TIMD4: variants seen among roughly 807,000 people sequenced by gnomAD.
TIMD4 encodes T-cell immunoglobulin and mucin domain-containing protein 4.
Under a neutral mutation model 41.2 loss-of-function variants are expected in TIMD4, and 31 were observed. The ratio of observed to expected loss-of-function variants is 0.75; its 90% CI spans 0.57 to 1.01. The LOEUF (loss-of-function observed/expected upper bound fraction) is 1.01, where lower values mean the gene tolerates loss of function less well. Among genes scored for constraint, TIMD4 ranks in the 50% least tolerant of loss-of-function variants. The pLI, the probability that TIMD4 is intolerant of heterozygous loss-of-function variation, is 0.00. For synonymous variants in TIMD4, 204 were observed against 177.1 expected, an observed-to-expected ratio of 1.15 and a Z score of -1.21; for missense variants, 479 against 472.5, an observed-to-expected ratio of 1.01 and a Z score of -0.13.
rs763447488 is a variant in TIMD4, at chr5:156,954,733, C to T, written c.82G>A (p.Val28Met). The T allele has an allele frequency of 1.1e-5, 18 of 1,612,686 alleles. No homozygotes were observed. The Middle Eastern group carries it at 9.9e-4, about 88-fold the overall frequency. ...YLTPVTSETV[V>M]TEVLGHRVTL... ...ACCCGGTGACCCAAAACCTCCGTCA[C>T]AACAGTCTCTGAAGTGACTGGTGCT... Residue 28 changes from valine to methionine, a missense_variant, in exon 2 of 9, where the codon GTG becomes ATG. Val to Met is a conservative substitution (Grantham distance 21). Transcript: ENST00000274532.
At chr5:156,924,496 T>C (rs1384056179) in intron 6 of TIMD4, 1 of 464,400 alleles carries the variant, frequency 2.2e-6, no homozygotes, top group Non-Finnish European at 4.3e-6. Flanking sequence ...GGACTTGTTT[T>C]GGCTAGAGGT....
rs761373056 is a variant in TIMD4 at position 156,949,677 on chromosome 5, G to A, written c.734C>T (p.Ala245Val). ...TTTGGATGTCAGCAGGACAGTGTCA[G>A]CAGAAGTAGACTCAACACTACTCCA... ...DSWSSVESTSADTVLLTSKES... is the reference protein window; with the variant it reads ...DSWSSVESTSVDTVLLTSKES... The change falls in exon 4 of 9, where the codon GCT becomes GTT. Residue 245 changes from alanine (A) to valine (V), a missense_variant. Transcript: ENST00000274532. The A allele has an allele frequency of 1.9e-5, 30 of 1,613,414 alleles. No individual in the cohort carries two copies. In the African/African-American group the frequency reaches 3.1e-4, roughly 16 times the overall value.
chr5:156,931,934 T>C (rs1759450804), intron 5 of TIMD4, among the ~76,000 whole-genome samples: 1 of 147,474 alleles, frequency 6.8e-6, no homozygotes, highest in Non-Finnish European at 1.5e-5. Flanking sequence ...TTAACCTTTC[T>C]AATTCTGGAT....
intron 5 of TIMD4, among the ~76,000 whole-genome samples, chr5:156,946,728 G>T (rs113494737): frequency 7.1e-4 from 108 of 151,132 alleles, no homozygotes; most frequent in Non-Finnish European, 1.4e-3. Flanking sequence ...CTCGTGATCC[G>T]CCTGCCTCGG....
chr5:156,922,089 C>A lies in TIMD4; in HGVS notation c.1012+10G>T, dbSNP rs1204003785. On this transcript the variant is annotated intron_variant, in intron 7 of 8. Transcript: ENST00000274532. ...CTGAAGTGCTCCATCACCTGGCCCT[C>A]CCTCCTTACCTCTCAGGAGAAACGC... 6.2e-7 allele frequency: 1 copy of A among 1,609,384 alleles called. No homozygotes were observed. The highest frequency in any genetic ancestry group is 1.1e-5 in the South Asian group (1 of 90,544).
intron 6 of TIMD4, 108 bp downstream of exon 6, chr5:156,926,155 T>C: frequency 5.4e-6 from 6 of 1,118,524 alleles, no homozygotes; most frequent in Non-Finnish European, 6.5e-6. Context: ...CTGCCCACCT[T>C]GGCCTCCCAA....
chr5:156,953,343 C>T (rs1052704525), intron 2 of TIMD4, among the ~76,000 whole-genome samples: 50 of 152,096 alleles, frequency 3.3e-4, no homozygotes, highest in Middle Eastern at 3.4e-3. Context: ...TTTTAGAGTG[C>T]GTTAGAGTCA....
chr5:156,962,719 A>G (rs557352987), intron 1 of TIMD4, among the ~76,000 whole-genome samples: 2 of 152,290 alleles, frequency 1.3e-5, no homozygotes, highest in East Asian at 1.9e-4. Context: ...ATAAAGCCTC[A>G]CCCCAGCAAA....
chr5:156,920,354 C>CT lies in TIMD4; in HGVS notation c.1052+109dup. The CT allele has an allele frequency of 1.5e-5, 18 of 1,208,328 alleles. No individual in the cohort carries two copies. The South Asian group carries it at 2.3e-4, about 15-fold the overall frequency. 74.9% of individuals were successfully genotyped at this position (1,208,328 alleles called of 1,614,324 possible). A position where few individuals can be genotyped will look rare whatever the true frequency, so the allele number is the denominator to read the frequency against. On this transcript the variant is annotated intron_variant, in intron 8 of 8. Transcript: ENST00000274532. Reference sequence around the variant, plus strand: ...CTTCTAATGTCACATCTTTCCAACTCTATGTGTAATCGTAACACAAGCTCA... The same window carrying CT: ...CTTCTAATGTCACATCTTTCCAACTCTTATGTGTAATCGTAACACAAGCTCA...
At position 156,922,140 on chromosome 5, in the gene TIMD4, C is replaced by T. The variant is rs1410195244; in HGVS notation, c.971G>A (p.Gly324Glu). 1.5e-5 allele frequency: 25 copies of T among 1,613,874 alleles called. No individual in the cohort carries two copies. The highest frequency in any genetic ancestry group is 2.0e-5 in the Non-Finnish European group (24 of 1,179,944). The change falls in exon 7 of 9, where the codon GGA becomes GAA. Residue 324 changes from glycine to glutamate, a missense_variant. Transcript: ENST00000274532. ...CACAAACAATGCGAAGAGCACAAATCCCAAGGAGGGGGCGATGATCATCAG... is the reference window on the plus strand; with the variant it reads ...CACAAACAATGCGAAGAGCACAAATTCCAAGGAGGGGGCGATGATCATCAG... The part of the protein sequence containing the change: ...QLLMIIAPSL[G>E]FVLFALFVAF...
At chr5:156,924,358 G>T (rs927262865) in intron 6 of TIMD4, 2 of 368,306 alleles carry the variant, frequency 5.4e-6, no homozygotes, top group Non-Finnish European at 1.1e-5. Flanking sequence ...TGTCAGGAAA[G>T]GTACTCCTAA....
intron 1 of TIMD4, among the ~76,000 whole-genome samples, chr5:156,956,601 C>A (rs557615021): frequency 6.6e-6 from 1 of 152,212 alleles, no homozygotes; most frequent in East Asian, 1.9e-4. Context: ...ACTAGACAAG[C>A]TCCTCTAAGA....
chr5:156,929,009 C>T (rs1759399367), intron 5 of TIMD4, among the ~76,000 whole-genome samples: 1 of 152,218 alleles, frequency 6.6e-6, no homozygotes, highest in Non-Finnish European at 1.5e-5. Flanking sequence ...AACACAAATG[C>T]TGCTGCGTGA....
At chr5:156,919,586 G>GAAAAC in intron 8 of TIMD4, 45 bp from the exon 9 acceptor site, 2 of 1,524,114 alleles carry the variant, frequency 1.3e-6, no homozygotes, top group Non-Finnish European at 1.8e-6. Flanking sequence ...CACAAGACTA[G>GAAAAC]AAAACAAAAC....
chr5:156,959,866 C>A (rs1344155744), intron 1 of TIMD4, among the ~76,000 whole-genome samples: 1 of 151,878 alleles, frequency 6.6e-6, no homozygotes, highest in Non-Finnish European at 1.5e-5. Flanking sequence ...TATGGTGAAA[C>A]CCTGTCTCTA....
chr5:156,952,751 T>C (rs1342383360), intron 2 of TIMD4, among the ~76,000 whole-genome samples: 2 of 152,374 alleles, frequency 1.3e-5, no homozygotes, highest in Non-Finnish European at 2.9e-5. Context: ...AAAGCCTGTT[T>C]ATCCCGTTAA....
intron 6 of TIMD4, among the ~76,000 whole-genome samples, 195 bp downstream of exon 6, chr5:156,926,068 T>C (rs917385614): frequency 3.3e-5 from 5 of 152,224 alleles, no homozygotes; most frequent in African/African-American, 1.2e-4. Flanking sequence ...CACACCTGGC[T>C]AATTTTTGCA....
At chr5:156,963,028 G>A (rs1753102201) in intron 1 of TIMD4, 113 bp downstream of exon 1, 2 of 1,029,718 alleles carry the variant, frequency 1.9e-6, no homozygotes, top group Non-Finnish European at 3.0e-6. Flanking sequence ...GGGGAGGGAT[G>A]CAGAAATGAA....
intron 5 of TIMD4, among the ~76,000 whole-genome samples, chr5:156,942,676 A>G (rs959602416): frequency 8.5e-5 from 13 of 152,308 alleles, no homozygotes; most frequent in African/African-American, 2.9e-4. Flanking sequence ...TAAAAATTGG[A>G]GGAGAGCATT....
Sources: allele counts gnomAD v4.1 joint callset (sites outside exome capture counted in the v4.1 genomes callset), GRCh38; gene constraint gnomAD v4.1.1; transcripts MANE v1.5; gene names NCBI Gene and HGNC (gene_info 2026-07-23, HGNC 2026-07-21).